The following NGF variants were observed in gnomAD, a reference collection of about 807,000 sequenced individuals.
The protein encoded by NGF is beta-nerve growth factor.
A neutral mutation model predicts 12.8 loss-of-function variants in NGF; 4 were observed. The observed-to-expected ratio is 0.31, with a 90% CI of 0.15 to 0.72. The LOEUF (loss-of-function observed/expected upper bound fraction) is 0.72, where lower values mean the gene tolerates loss of function less well. Among genes scored for constraint, NGF ranks in the 30% least tolerant of loss-of-function variants. NGF has a pLI of 0.69. For synonymous variants in NGF, 140 were observed against 130.0 expected (o/e 1.08, Z -0.52); for missense variants, 283 against 330.8 (o/e 0.86, Z 1.12).
intron 1 of NGF, among the ~76,000 whole-genome samples, chr1:115,306,293 A>G (rs565237070): frequency 2.6e-5 from 4 of 152,336 alleles, no homozygotes; most frequent in Non-Finnish European, 5.9e-5. Flanking sequence ...AACATTCAGA[A>G]GTGGATTCAA....
chr1:115,302,200 G>C (rs980442162), intron 1 of NGF, among the ~76,000 whole-genome samples: 1 of 152,156 alleles, frequency 6.6e-6, no homozygotes, highest in Non-Finnish European at 1.5e-5. Context: ...TTGGATAACT[G>C]GGTGAGCCTC....
intron 1 of NGF, among the ~76,000 whole-genome samples, chr1:115,299,884 A>G (rs1653982592): frequency 6.6e-6 from 1 of 152,228 alleles, no homozygotes; most frequent in South Asian, 2.1e-4. Flanking sequence ...AGACAGCGGT[A>G]CTGGGAACAA....
intron 1 of NGF, among the ~76,000 whole-genome samples, chr1:115,333,682 TTTCTTTC>T (rs1490542680): frequency 5.2e-4 from 47 of 90,542 alleles, no homozygotes; most frequent in South Asian, 3.8e-3. Context: ...TCTTTCTTTC[TTTCTTTC>T]TTTCTTTCTT....
intron 2 of NGF, among the ~76,000 whole-genome samples, chr1:115,288,059 C>T (rs576668827): frequency 4.6e-4 from 70 of 152,306 alleles, no homozygotes; most frequent in African/African-American, 1.5e-3. Flanking sequence ...TCCCATCTCT[C>T]CTTCCCACTC....
At chr1:115,303,103 A>T (rs1360957516) in intron 1 of NGF, among the ~76,000 whole-genome samples, 1 of 151,612 alleles carries the variant, frequency 6.6e-6, no homozygotes, top group African/African-American at 2.4e-5. Flanking sequence ...ACAAACAAAC[A>T]CCAAAAATTT....
intron 1 of NGF, among the ~76,000 whole-genome samples, chr1:115,329,378 G>T (rs992624802): frequency 8.5e-5 from 13 of 152,170 alleles, no homozygotes; most frequent in African/African-American, 3.1e-4. Context: ...GAGAACAAAA[G>T]TTACCCAAGA....
In NGF at chr1:115,286,190, G is replaced by A. The variant is rs1653493003; in HGVS notation, c.606C>T (p.Thr202=). ...GCGCCTTGACAAAGGTGTGAGTCGT[G>A]GTACAATATGAGTTCCAGTGCTTTG... ...IDSKHWNSYC[T]TTHTFVKALT... The change falls in exon 3 of 3, where the codon ACC becomes ACT. Residue 202 remains threonine, a synonymous_variant. Coordinates refer to ENST00000369512, the MANE Select transcript of NGF (RefSeq NM_002506.3). 3 of 1,614,018 alleles carry A rather than the reference G, an allele frequency of 1.9e-6. No individual in the cohort carries two copies. Among genetic ancestry groups the A allele is most frequent in the Admixed American group, 1.7e-5 (1 of 60,006 alleles).
intron 1 of NGF, among the ~76,000 whole-genome samples, chr1:115,298,306 A>AT (rs150956745): frequency 2.6e-5 from 4 of 152,068 alleles, no homozygotes; most frequent in East Asian, 1.9e-4. Flanking sequence ...GCCAAAGTTG[A>AT]TTTTTTCCCC....
intron 1 of NGF, among the ~76,000 whole-genome samples, chr1:115,308,333 T>C: frequency 6.6e-6 from 1 of 152,214 alleles, no homozygotes. Flanking sequence ...AGTCATTCTC[T>C]TCCCAGAGTG....
intron 2 of NGF, among the ~76,000 whole-genome samples, chr1:115,289,822 T>C (rs10157426): frequency 2.6e-5 from 4 of 152,180 alleles, no homozygotes; most frequent in African/African-American, 9.7e-5. Flanking sequence ...ACTAGCTCCA[T>C]ACCTCTGCTT....
In NGF at chr1:115,286,632, G is replaced by A. The variant is rs775019570; in HGVS notation, c.164C>T (p.Pro55Leu). 20 of 1,614,104 alleles carry A rather than the reference G, an allele frequency of 1.2e-5. No individual in the cohort carries two copies. Among genetic ancestry groups the A allele is most frequent in the South Asian group, 2.2e-5 (2 of 91,090 alleles). Residue 55 changes from proline (P) to leucine (L), a missense_variant, in exon 3 of 3, where the codon CCG becomes CTG. Physicochemically the swap from Pro to Leu is moderately conservative, Grantham distance 98. This residue lies in a region of NGF where 151 missense variants were observed against 141.6 expected (regional missense o/e 1.07). Transcript: ENST00000369512. ...DTALRRARSA[P>L]AAAIAARVAG... Reference sequence around the variant, plus strand: ...CACGCGTGCAGCTATCGCCGCTGCCGGGGCGCTGCGGGCTCTGCGAAGGGC... The same window carrying A: ...CACGCGTGCAGCTATCGCCGCTGCCAGGGCGCTGCGGGCTCTGCGAAGGGC...
At chr1:115,287,543 C>T (rs1653552849) in intron 2 of NGF, among the ~76,000 whole-genome samples, 1 of 152,152 alleles carries the variant, frequency 6.6e-6, no homozygotes, top group Non-Finnish European at 1.5e-5. Flanking sequence ...TCTCATGAGT[C>T]TGTGAGTTCA....
At chr1:115,332,489 C>G (rs1654948638) in intron 1 of NGF, among the ~76,000 whole-genome samples, 1 of 149,866 alleles carries the variant, frequency 6.7e-6, no homozygotes, top group Non-Finnish European at 1.5e-5. Context: ...TAAAAACATA[C>G]AAAAAAGATG....
At chr1:115,300,155 A>G (rs868499530) in intron 1 of NGF, among the ~76,000 whole-genome samples, 6 of 152,200 alleles carry the variant, frequency 3.9e-5, no homozygotes, top group South Asian at 2.1e-4. Flanking sequence ...TATGTTTTCT[A>G]AGCAATAGGT....
At chr1:115,315,436 C>T (rs1654450880) in intron 1 of NGF, among the ~76,000 whole-genome samples, 1 of 152,046 alleles carries the variant, frequency 6.6e-6, no homozygotes, top group Non-Finnish European at 1.5e-5. Context: ...GACTTCCTGA[C>T]AGACTGTGAT....
intron 1 of NGF, among the ~76,000 whole-genome samples, chr1:115,296,399 CTACA>C (rs202215025): frequency 0.012 from 1,784 of 152,284 alleles, 20 homozygotes; most frequent in Non-Finnish European, 0.018. Flanking sequence ...GGATATTCCA[CTACA>C]AGCTAGGATG....
At position 115,291,745 on chromosome 1, in the gene NGF, C is replaced by T. The variant is rs190647967; in HGVS notation, c.-13+1882G>A. On this transcript the variant is annotated intron_variant, in intron 2 of 2. Coordinates refer to ENST00000369512, the MANE Select transcript of NGF (RefSeq NM_002506.3). ...ACGAGGTGAATGATCTTCAAAGATT[C>T]TGGCCTCACCTGAATAGGTGATGGA... is the stretch of plus-strand genomic sequence containing the variant. Among the ~76,000 whole-genome samples, 13 of 152,326 alleles carry T rather than the reference C, an allele frequency of 8.5e-5. No homozygotes were observed. In the East Asian group the frequency reaches 2.5e-3, roughly 29 times the overall value.
intron 2 of NGF, among the ~76,000 whole-genome samples, chr1:115,293,406 T>C (rs1365106252): frequency 1.3e-5 from 2 of 152,226 alleles, no homozygotes; most frequent in Non-Finnish European, 2.9e-5. Flanking sequence ...ACTCCTGATA[T>C]GTCCCTGGGG....
At chr1:115,319,659 C>T (rs1358972668) in intron 1 of NGF, among the ~76,000 whole-genome samples, 1 of 152,202 alleles carries the variant, frequency 6.6e-6, no homozygotes. Flanking sequence ...TGAACTCTGA[C>T]CCCTACTCAC....
Sources: gnomAD v4.1 joint callset for allele counts (sites outside exome capture counted in the v4.1 genomes callset) on GRCh38, gnomAD v4.1.1 for gene constraint, gnomAD v4.1.1 regional missense constraint, MANE v1.5 for transcripts, NCBI Gene and HGNC (gene_info 2026-07-23, HGNC 2026-07-21) for gene names.